PYROXD1: variants seen among roughly 807,000 people sequenced by gnomAD.
PYROXD1 encodes the protein pyridine nucleotide-disulphide oxidoreductase domain 1.
In PYROXD1, 42 loss-of-function variants were observed where a neutral mutation model predicts 62.0. That is an observed-to-expected ratio of 0.68 (90% CI 0.53 to 0.88). The LOEUF (loss-of-function observed/expected upper bound fraction) is 0.88, where lower values mean the gene tolerates loss of function less well. PYROXD1 is among the 40% of genes least tolerant of loss of function. The pLI, the probability that PYROXD1 is intolerant of heterozygous loss-of-function variation, is 0.00. For missense variants in PYROXD1, 493 were observed against 604.8 expected, an observed-to-expected ratio of 0.82 and a Z score of 1.94; for synonymous variants, 170 against 206.4, an observed-to-expected ratio of 0.82 and a Z score of 1.51.
chr12:21,467,255 C>T, intron 10 of PYROXD1: 1 of 402,860 alleles, frequency 2.5e-6, no homozygotes, highest in Non-Finnish European at 4.4e-6. Flanking sequence ...GCTACTAAAA[C>T]AGGTGTGATT....
chr12:21,466,152 T>C (rs113617567), intron 10 of PYROXD1, among the ~76,000 whole-genome samples: 1 of 151,330 alleles, frequency 6.6e-6, no homozygotes, highest in Non-Finnish European at 1.5e-5. Context: ...CGATGCGGGC[T>C]CTTTTTTGGT....
At chr12:21,450,014 C>A (rs969781429) in intron 4 of PYROXD1, among the ~76,000 whole-genome samples, 1 of 115,804 alleles carries the variant, frequency 8.6e-6, no homozygotes, top group East Asian at 2.7e-4. Context: ...CCTGCCACCA[C>A]GCCTGGCTGA....
rs1218991476 is a variant in PYROXD1, at chr12:21,470,783, G to A, written c.*2029G>A. ...ACCCCTAGTTTATGTTAAAAGGCCA[G>A]TCTAAATTCTTTCACTTACATCTTT... On this transcript the variant is annotated 3_prime_UTR_variant, in exon 12 of 12. Transcript: ENST00000240651. 1 of 411,056 alleles carries A rather than the reference G, an allele frequency of 2.4e-6. No homozygotes were observed. Among genetic ancestry groups the A allele is most frequent in the East Asian group, 4.1e-5 (1 of 24,218 alleles). 25.5% of individuals were successfully genotyped at this position (411,056 alleles called of 1,614,324 possible).
intron 2 of PYROXD1, among the ~76,000 whole-genome samples, chr12:21,444,987 G>A (rs545444647): frequency 3.3e-5 from 5 of 152,324 alleles, no homozygotes; most frequent in Admixed American, 3.3e-4. Flanking sequence ...GCAAAGACTA[G>A]ATGACCATAA....
rs13035 is a variant in PYROXD1, at chr12:21,470,188, T to G, written c.*1434T>G. 0.43 allele frequency: 697,001 copies of G among 1,610,240 alleles called. 155,493 individuals are homozygous for G. Among genetic ancestry groups the G allele is most frequent in the South Asian group, 0.5 (44,988 of 90,774 alleles). ...TCTTTAATTAGAAAATTTAGTAACA[T>G]TCATATCAGGCATCATCGATTTTTC... On this transcript the variant is annotated 3_prime_UTR_variant, in exon 12 of 12. Coordinates refer to ENST00000240651, the MANE Select transcript of PYROXD1 (RefSeq NM_024854.5).
intron 4 of PYROXD1, among the ~76,000 whole-genome samples, 167 bp downstream of exon 4, chr12:21,449,858 C>CTTT (rs71537701): frequency 6.8e-6 from 1 of 147,376 alleles, no homozygotes; most frequent in African/African-American, 2.5e-5. Context: ...AATTTTCTTT[C>CTTT]TTTTTTTTTT....
chr12:21,458,548 A>G (rs909312482), intron 7 of PYROXD1, among the ~76,000 whole-genome samples: 1 of 152,182 alleles, frequency 6.6e-6, no homozygotes, highest in Non-Finnish European at 1.5e-5. Context: ...GCCTTCCTCA[A>G]TAACCCTAAT....
At chr12:21,446,498 A>G (rs1200874263) in intron 3 of PYROXD1, among the ~76,000 whole-genome samples, 1 of 140,290 alleles carries the variant, frequency 7.1e-6, no homozygotes, top group Non-Finnish European at 1.5e-5. Flanking sequence ...CTGGGGCATC[A>G]ATGATAAAAT....
In PYROXD1 at chr12:21,471,152, C is replaced by A; in HGVS notation, c.*2398C>A. ...AAGCTTTTGAAGGAATCACGGAAAA[C>A]AAATTTATAAAAGAAATAACTATAT... On this transcript the variant is annotated 3_prime_UTR_variant, in exon 12 of 12. Transcript: ENST00000240651. 1 of 1,492,040 alleles carries A rather than the reference C, an allele frequency of 6.7e-7. No homozygotes were observed. The allele number at this position is 1,492,040 out of a possible 1,614,324, so 92.4% of individuals were successfully genotyped here. A position where few individuals can be genotyped will look rare whatever the true frequency, so the allele number is the denominator to read the frequency against.
intron 9 of PYROXD1, 86 bp from the exon 10 acceptor site, chr12:21,462,654 A>T: frequency 1.4e-6 from 2 of 1,463,920 alleles, no homozygotes; most frequent in Middle Eastern, 2.4e-4. Context: ...GCAAAGTGTA[A>T]CAATTTAATT....
At chr12:21,449,788 G>A (rs1942458424) in intron 4 of PYROXD1, 97 bp downstream of exon 4, 2 of 1,070,416 alleles carry the variant, frequency 1.9e-6, no homozygotes. Flanking sequence ...TGTAAGGGCA[G>A]AAGGGAAATT....
At chr12:21,445,770 C>G (rs1450600920) in intron 3 of PYROXD1, among the ~76,000 whole-genome samples, 3 of 152,056 alleles carry the variant, frequency 2.0e-5, no homozygotes. Flanking sequence ...GAGGTGTTGG[C>G]TCCTAGGAAC....
Position 21,471,115 on chromosome 12 carries a change from C to A in PYROXD1, c.*2361C>A, listed in dbSNP as rs1436386870. On this transcript the variant is annotated 3_prime_UTR_variant, in exon 12 of 12. Transcript: ENST00000240651. Reference sequence around the variant, plus strand: ...TAGTCTTCTCTGCAGAAAATAAAGGCCAACAATAAGAAAGCTTTTGAAGGA... The same window carrying A: ...TAGTCTTCTCTGCAGAAAATAAAGGACAACAATAAGAAAGCTTTTGAAGGA... The A allele has an allele frequency of 1.3e-6, 2 of 1,548,834 alleles. No homozygotes were observed. Among genetic ancestry groups the A allele is most frequent in the Non-Finnish European group, 1.7e-6 (2 of 1,157,682 alleles).
At chr12:21,462,141 C>T in intron 9 of PYROXD1, 21 bp downstream of exon 9, 1 of 1,403,134 alleles carries the variant, frequency 7.1e-7, no homozygotes, top group South Asian at 1.2e-5. Context: ...ATTTTTTTGT[C>T]CAGCTGTGAA....
intron 2 of PYROXD1, among the ~76,000 whole-genome samples, chr12:21,441,737 G>C (rs1356202785): frequency 2.6e-5 from 3 of 113,814 alleles, no homozygotes; most frequent in African/African-American, 9.9e-5. Context: ...CAATTATTTT[G>C]AATTCTTAGG....
At chr12:21,448,289 G>A (rs537602102) in intron 3 of PYROXD1, 15 of 352,516 alleles carry the variant, frequency 4.3e-5, no homozygotes, top group African/African-American at 3.0e-4. Context: ...AGGCGAGGAC[G>A]CAGAGTGTGT....
In PYROXD1 at chr12:21,461,319, ACTGT is replaced by A. The variant is rs199983894; in HGVS notation, c.880+170_880+173del. ...TAATAACATTAACTCACTTCATTTC[ACTGT>A]CTGTTGTTTTCTAGTAAATTAAATC... On this transcript the variant is annotated intron_variant, in intron 8 of 11. Coordinates refer to ENST00000240651, the MANE Select transcript of PYROXD1 (RefSeq NM_024854.5). Among the ~76,000 whole-genome samples, 6,601 of 152,262 alleles carry A rather than the reference ACTGT, an allele frequency of 0.043. 439 individuals are homozygous for A. The highest frequency in any genetic ancestry group is 0.15 in the African/African-American group (6,215 of 41,524).
intron 3 of PYROXD1, among the ~76,000 whole-genome samples, chr12:21,446,972 C>CATCAT (rs1257705756): frequency 1.3e-5 from 2 of 152,070 alleles, no homozygotes; most frequent in Non-Finnish European, 2.9e-5. Context: ...AAGGTCTGAA[C>CATCAT]TGAGACAGGG....
intron 6 of PYROXD1, 32 bp downstream of exon 6, chr12:21,455,324 T>C (rs367872308): frequency 2.6e-4 from 353 of 1,354,560 alleles, no homozygotes; most frequent in Middle Eastern, 9.8e-4. Context: ...TTAATTCTCA[T>C]ACAAAACTTT....
Sources: gnomAD v4.1 joint callset for allele counts (sites outside exome capture counted in the v4.1 genomes callset) on GRCh38, gnomAD v4.1.1 for gene constraint, MANE v1.5 for transcripts, NCBI Gene and HGNC (gene_info 2026-07-23, HGNC 2026-07-21) for gene names.